Variants in KIAA0825 observed in about 807,000 individuals in gnomAD.
KIAA0825 encodes the protein uncharacterized protein KIAA0825.
KIAA0825 carries 119 observed loss-of-function variants against 147.6 expected under a neutral mutation model. The ratio of observed to expected loss-of-function variants is 0.81; its 90% confidence interval spans 0.69 to 0.94. The LOEUF is 0.94. Among genes scored for constraint, KIAA0825 ranks in the 40% least tolerant of loss-of-function variants. The probability of loss-of-function intolerance (pLI) is 0.00; values close to 1 mark genes in which losing one functional copy is unlikely to be tolerated. For missense variants in KIAA0825, 1,381 were observed against 1,472.7 expected, an observed-to-expected ratio of 0.94 and a Z score of 1.02; for synonymous variants, 470 against 518.1, an observed-to-expected ratio of 0.91 and a Z score of 1.26.
chr5:94,557,648 G>C (rs987761494), intron 2 of KIAA0825, among the ~76,000 whole-genome samples: 3 of 152,068 alleles, frequency 2.0e-5, no homozygotes, highest in Non-Finnish European at 4.4e-5. Context: ...AGGTAGTAAA[G>C]AGAGCTCACT....
rs931314186 is a variant in KIAA0825, at chr5:94,539,996, G to A, written c.-1-2869C>T. On this transcript the variant is annotated intron_variant, in intron 2 of 20. Transcript: ENST00000682413. Reference sequence around the variant, plus strand: ...CCAAAAAGGGAAAAACTTGAGAGCTGATGGAACTGCTGGAAAAGACCCCTT... The same window carrying A: ...CCAAAAAGGGAAAAACTTGAGAGCTAATGGAACTGCTGGAAAAGACCCCTT... Among the ~76,000 whole-genome samples the A allele has an allele frequency of 5.9e-5, 9 of 152,108 alleles. No individual in the cohort carries two copies. In the South Asian group the frequency reaches 6.2e-4, roughly 11 times the overall value.
At chr5:94,458,141 T>TG (rs1759355882) in intron 12 of KIAA0825, among the ~76,000 whole-genome samples, 1 of 152,216 alleles carries the variant, frequency 6.6e-6, no homozygotes, top group Admixed American at 6.5e-5. Context: ...AACAGAATTC[T>TG]AAGTAGCTAC....
chr5:94,192,771 G>A (rs949106322), intron 20 of KIAA0825, among the ~76,000 whole-genome samples: 2 of 152,098 alleles, frequency 1.3e-5, no homozygotes, highest in Non-Finnish European at 2.9e-5. Context: ...TAGCCACAGC[G>A]GTTATTTCCT....
intron 20 of KIAA0825, among the ~76,000 whole-genome samples, chr5:94,299,689 A>G (rs1440965857): frequency 6.6e-6 from 1 of 152,182 alleles, no homozygotes; most frequent in Non-Finnish European, 1.5e-5. Flanking sequence ...AGGCAGAGCT[A>G]TGGTGCTAAT....
At chr5:94,241,001 T>C (rs1217511206) in intron 20 of KIAA0825, among the ~76,000 whole-genome samples, 1 of 152,212 alleles carries the variant, frequency 6.6e-6, no homozygotes. Flanking sequence ...AATGAAGTTA[T>C]TGCTGATAGT....
chr5:94,224,735 G>A (rs1288900973), intron 20 of KIAA0825, among the ~76,000 whole-genome samples: 3 of 152,142 alleles, frequency 2.0e-5, no homozygotes, highest in African/African-American at 7.2e-5. Context: ...CAGTAGCTTG[G>A]GACCCTGGAT....
intron 14 of KIAA0825, among the ~76,000 whole-genome samples, chr5:94,431,795 A>G (rs1755706781): frequency 6.6e-6 from 1 of 152,216 alleles, no homozygotes; most frequent in Non-Finnish European, 1.5e-5. Context: ...GTTTGCTATT[A>G]TAAATTACAA....
chr5:94,566,825 T>A (rs1461355678), intron 2 of KIAA0825, among the ~76,000 whole-genome samples: 1 of 152,170 alleles, frequency 6.6e-6, no homozygotes, highest in Non-Finnish European at 1.5e-5. Flanking sequence ...AAGTACATTC[T>A]CAATTTTAAT....
intron 20 of KIAA0825, among the ~76,000 whole-genome samples, chr5:94,160,378 T>TA (rs1767438638): frequency 6.6e-6 from 1 of 150,540 alleles, no homozygotes; most frequent in African/African-American, 2.4e-5. Flanking sequence ...TGTATTCATA[T>TA]ATGTACATAT....
chr5:94,361,716 GATTACA>G (rs1200638463), intron 20 of KIAA0825, among the ~76,000 whole-genome samples: 5 of 152,118 alleles, frequency 3.3e-5, no homozygotes, highest in Non-Finnish European at 7.4e-5. Flanking sequence ...ATCACTGTTA[GATTACA>G]GGCTAAAAGA....
chr5:94,356,033 G>A (rs2150382059), intron 20 of KIAA0825, among the ~76,000 whole-genome samples: 1 of 152,176 alleles, frequency 6.6e-6, no homozygotes, highest in Non-Finnish European at 1.5e-5. Context: ...TCTTGGGTGG[G>A]GCCCAAGATT....
At chr5:94,199,748 G>A (rs944260854) in intron 20 of KIAA0825, among the ~76,000 whole-genome samples, 24 of 152,174 alleles carry the variant, frequency 1.6e-4, no homozygotes, top group African/African-American at 5.8e-4. Flanking sequence ...GTCAGTTGGG[G>A]GATGCTGCAG....
At chr5:94,382,968 T>C (rs1748616432) in intron 20 of KIAA0825, among the ~76,000 whole-genome samples, 1 of 152,140 alleles carries the variant, frequency 6.6e-6, no homozygotes, top group Non-Finnish European at 1.5e-5. Flanking sequence ...AATAGGAAAA[T>C]AATTACTTAC....
intron 14 of KIAA0825, among the ~76,000 whole-genome samples, chr5:94,430,008 G>A (rs1248294241): frequency 6.6e-6 from 1 of 152,120 alleles, no homozygotes; most frequent in East Asian, 1.9e-4. Context: ...CTGAAAGCCT[G>A]AAGGTCTGCC....
intron 16 of KIAA0825, among the ~76,000 whole-genome samples, chr5:94,397,852 G>A (rs1287744478): frequency 6.6e-6 from 1 of 152,062 alleles, no homozygotes; most frequent in Non-Finnish European, 1.5e-5. Flanking sequence ...TATAACTCCA[G>A]CTTTCTGTTA....
intron 7 of KIAA0825, among the ~76,000 whole-genome samples, chr5:94,475,790 C>T (rs1761819610): frequency 6.6e-6 from 1 of 152,004 alleles, no homozygotes; most frequent in Non-Finnish European, 1.5e-5. Flanking sequence ...GCACGGGTGA[C>T]AGAGTGATAC....
intron 20 of KIAA0825, among the ~76,000 whole-genome samples, chr5:94,323,521 G>A (rs1399713206): frequency 6.8e-6 from 1 of 147,348 alleles, no homozygotes; most frequent in Non-Finnish European, 1.5e-5. Context: ...CATCACTTTA[G>A]TGAGATTTAC....
intron 20 of KIAA0825, among the ~76,000 whole-genome samples, chr5:94,291,681 G>T (rs1479889148): frequency 2.6e-5 from 4 of 152,074 alleles, no homozygotes; most frequent in Admixed American, 2.6e-4. Context: ...GGGTAGCATT[G>T]AATCTATAAA....
In KIAA0825 at chr5:94,151,540, A is replaced by G. The variant is rs1193790126; in HGVS notation, c.*2467T>C. On this transcript the variant is annotated 3_prime_UTR_variant, in exon 21 of 21. Coordinates refer to ENST00000682413, the MANE Select transcript of KIAA0825 (RefSeq NM_001145678.3). The stretch of plus-strand genomic sequence containing the variant: ...TATAAACTTTATTGCACTTATGGCT[A>G]TAATAATTTCACTGAACAAGCACAG... Among the ~76,000 whole-genome samples, 1 of 151,892 alleles carries G rather than the reference A, an allele frequency of 6.6e-6. No individual in the cohort carries two copies. The highest frequency in any genetic ancestry group is 1.5e-5 in the Non-Finnish European group (1 of 67,986).
Sources: gnomAD v4.1 joint callset for allele counts (sites outside exome capture counted in the v4.1 genomes callset) on GRCh38, gnomAD v4.1.1 for gene constraint, MANE v1.5 for transcripts, NCBI Gene and HGNC (gene_info 2026-07-23, HGNC 2026-07-21) for gene names.